The following CPS1 variants were observed in gnomAD, a reference collection of about 807,000 sequenced individuals.
CPS1 encodes carbamoyl-phosphate synthase [ammonia], mitochondrial.
In CPS1, 109 loss-of-function variants were observed where a neutral mutation model predicts 174.6. The observed-to-expected ratio is 0.62, with a 90% CI of 0.53 to 0.73. CPS1 has a LOEUF of 0.73. CPS1 is among the 30% of genes least tolerant of loss of function. The pLI is 0.00. For synonymous variants in CPS1, 637 were observed against 632.0 expected, an observed-to-expected ratio of 1.01 and a Z score of -0.12; for missense variants, 1,689 against 1,821.9, an observed-to-expected ratio of 0.93 and a Z score of 1.33.
intron 1 of CPS1, among the ~76,000 whole-genome samples, chr2:210,540,668 A>G (rs1574504713): frequency 6.6e-6 from 1 of 152,304 alleles, no homozygotes; most frequent in South Asian, 2.1e-4. Flanking sequence ...TTGTATATGA[A>G]GAAACTGAGG....
At chr2:210,667,424 A>G (rs1217440399) in intron 33 of CPS1, among the ~76,000 whole-genome samples, 1 of 152,192 alleles carries the variant, frequency 6.6e-6, no homozygotes, top group Non-Finnish European at 1.5e-5. Context: ...GTTCAAATAT[A>G]CCACTTGTTC....
At chr2:210,543,661 A>G (rs543976160) in intron 1 of CPS1, among the ~76,000 whole-genome samples, 1 of 152,208 alleles carries the variant, frequency 6.6e-6, no homozygotes, top group Non-Finnish European at 1.5e-5. Flanking sequence ...ATATATTGTG[A>G]GATTGATTAC....
At chr2:210,508,411 C>T (rs1329439204) in intron 1 of CPS1, among the ~76,000 whole-genome samples, 1 of 151,324 alleles carries the variant, frequency 6.6e-6, no homozygotes, top group Non-Finnish European at 1.5e-5. Flanking sequence ...CACTAAATGC[C>T]CACAAGAGAA....
chr2:210,511,254 C>T (rs959156326), intron 1 of CPS1, among the ~76,000 whole-genome samples: 1 of 152,014 alleles, frequency 6.6e-6, no homozygotes, highest in Non-Finnish European at 1.5e-5. Context: ...AGCTGGAAAC[C>T]ATCATTCTCA....
At chr2:210,532,493 G>A (rs1696141362) in intron 1 of CPS1, among the ~76,000 whole-genome samples, 1 of 152,004 alleles carries the variant, frequency 6.6e-6, no homozygotes, top group South Asian at 2.1e-4. Flanking sequence ...TTTCTCTACT[G>A]TATCCTCTTA....
chr2:210,515,174 C>G (rs919765762), intron 1 of CPS1, among the ~76,000 whole-genome samples: 1 of 150,814 alleles, frequency 6.6e-6, no homozygotes, highest in Non-Finnish European at 1.5e-5. Context: ...TTCTTTGTGT[C>G]TTTTCCAGGT....
chr2:210,511,194 T>C (rs1448548655), intron 1 of CPS1, among the ~76,000 whole-genome samples: 2 of 152,162 alleles, frequency 1.3e-5, no homozygotes, highest in Non-Finnish European at 2.9e-5. Context: ...TGGAATACTA[T>C]GCAGCCTTAA....
Position 210,595,599 on chromosome 2 carries a change from C to G in CPS1, c.1359+17C>G, listed in dbSNP as rs776737875. On this transcript the variant is annotated intron_variant, in intron 13 of 37. Coordinates refer to ENST00000233072, the MANE Select transcript of CPS1 (RefSeq NM_001875.5). ...GCCATGAAGGTGAGAGAATATGATC[C>G]TTACTAGAATTAATATGCTTCCTTT... 12 of 1,532,360 alleles carry G rather than the reference C, an allele frequency of 7.8e-6. No individual in the cohort carries two copies. The South Asian group carries it at 1.3e-4, about 17-fold the overall frequency. The allele number at this position is 1,532,360 out of a possible 1,614,324, so 94.9% of individuals were successfully genotyped here. A position where few individuals can be genotyped will look rare whatever the true frequency, so the allele number is the denominator to read the frequency against.
Position 210,650,346 on chromosome 2 carries a change from T to C in CPS1, c.3405-17T>C, listed in dbSNP as rs775133017. The C allele has an allele frequency of 4.3e-6, 7 of 1,610,066 alleles. No individual in the cohort carries two copies. Among genetic ancestry groups the C allele is most frequent in the Non-Finnish European group, 5.9e-6 (7 of 1,176,490 alleles). ...TAGCATAAACCTGACCTGCTTTTTT[T>C]CCCCTTCCTTTTCCAGTGGGTCTGC... On this transcript the variant is annotated splice_polypyrimidine_tract_variant and intron_variant, in intron 27 of 37. Transcript: ENST00000233072.
intron 6 of CPS1, among the ~76,000 whole-genome samples, chr2:210,584,514 T>TA (rs1444987910): frequency 6.6e-6 from 1 of 152,172 alleles, no homozygotes; most frequent in African/African-American, 2.4e-5. Context: ...AGATATAACA[T>TA]ACACTTTTTT....
At chr2:210,576,032 A>C (rs1353476537) in intron 2 of CPS1, among the ~76,000 whole-genome samples, 1 of 152,106 alleles carries the variant, frequency 6.6e-6, no homozygotes, top group Admixed American at 6.6e-5. Flanking sequence ...TAAATAGAGC[A>C]GGGATATTTT....
chr2:210,508,576 C>T (rs1430378777), intron 1 of CPS1, among the ~76,000 whole-genome samples: 1 of 152,020 alleles, frequency 6.6e-6, no homozygotes, highest in African/African-American at 2.4e-5. Flanking sequence ...TTCAAAAAAT[C>T]AATGAATCCA....
Position 210,483,431 on chromosome 2 carries a change from G to C in CPS1, c.3+5665G>C, listed in dbSNP as rs115575314. Among the ~76,000 whole-genome samples, 1,173 of 152,288 alleles carry C rather than the reference G, an allele frequency of 7.7e-3. 10 individuals carry two copies. The highest frequency in any genetic ancestry group is 0.027 in the African/African-American group (1,109 of 41,554). On this transcript the variant is annotated intron_variant, in intron 1 of 38. Transcript: ENST00000430249. ...TCCCTCTTACATGTGAGGAAACAGA[G>C]ACTTACATAGTTATCTCACTGTTCC... is the stretch of plus-strand genomic sequence containing the variant.
At chr2:210,625,636 G>T (rs1699675791) in intron 21 of CPS1, among the ~76,000 whole-genome samples, 1 of 151,978 alleles carries the variant, frequency 6.6e-6, no homozygotes, top group African/African-American at 2.4e-5. Context: ...GGAGCCAAAG[G>T]AAGAAGGAAG....
chr2:210,678,273 A>G lies in CPS1; in HGVS notation c.*288A>G, dbSNP rs556945268. The G allele has an allele frequency of 8.9e-6, 4 of 447,418 alleles. No homozygotes were observed. Among genetic ancestry groups the G allele is most frequent in the African/African-American group, 2.0e-5 (1 of 50,300 alleles). 27.7% of individuals were successfully genotyped at this position (447,418 alleles called of 1,614,324 possible). On this transcript the variant is annotated 3_prime_UTR_variant, in exon 38 of 38. Coordinates refer to ENST00000233072, the MANE Select transcript of CPS1 (RefSeq NM_001875.5). ...GCTTATGTGTAGCTTTTTACTTTTT[A>G]TGGTGCTGATTAATGGTGATCAAGG... is the stretch of plus-strand genomic sequence containing the variant.
chr2:210,671,129 A>G (rs1701287042), intron 34 of CPS1, among the ~76,000 whole-genome samples: 1 of 152,148 alleles, frequency 6.6e-6, no homozygotes. Flanking sequence ...AAGACCCTTT[A>G]ACATTAAATG....
chr2:210,522,496 AT>A (rs1166311656), intron 1 of CPS1, among the ~76,000 whole-genome samples: 1 of 151,992 alleles, frequency 6.6e-6, no homozygotes, highest in Admixed American at 6.6e-5. Flanking sequence ...CATTCCATAA[AT>A]TTTGAATCTA....
At chr2:210,522,453 A>T (rs545240503) in intron 1 of CPS1, among the ~76,000 whole-genome samples, 5 of 151,972 alleles carry the variant, frequency 3.3e-5, no homozygotes, top group Non-Finnish European at 7.4e-5. Flanking sequence ...CTGATATGAT[A>T]ATTAAAGAAA....
Position 210,588,150 on chromosome 2 carries a change from A to ATTTG in CPS1, c.711+3_711+4insTTTG. On this transcript the variant is annotated splice_donor_region_variant and intron_variant, in intron 7 of 37. Coordinates refer to ENST00000233072, the MANE Select transcript of CPS1 (RefSeq NM_001875.5). ...ATGTAATCCGCCTGCTAGTAAAGGT[A>ATTTG]AGTAATTTGTTCATTTCAAAGGTGA... 4.3e-6 allele frequency: 7 copies of ATTTG among 1,611,358 alleles called. No individual in the cohort carries two copies. Among genetic ancestry groups the ATTTG allele is most frequent in the Non-Finnish European group, 5.9e-6 (7 of 1,177,832 alleles).
Sources: allele counts gnomAD v4.1 joint callset (sites outside exome capture counted in the v4.1 genomes callset), GRCh38; gene constraint gnomAD v4.1.1; transcripts MANE v1.5; gene names NCBI Gene and HGNC (gene_info 2026-07-23, HGNC 2026-07-21).